Variants in LRRC8A observed in about 807,000 individuals in gnomAD.
The protein encoded by LRRC8A is leucine rich repeat containing 8 VRAC subunit A.
A neutral mutation model predicts 52.5 loss-of-function variants in LRRC8A; 24 were observed. The ratio of observed to expected loss-of-function variants is 0.46; its 90% CI spans 0.33 to 0.64. The LOEUF (loss-of-function observed/expected upper bound fraction) is 0.64. LRRC8A is among the 30% of genes least tolerant of loss of function. The pLI is 0.02. For missense variants in LRRC8A, 677 were observed against 1,094.7 expected, an observed-to-expected ratio of 0.62 and a Z score of 5.38; for synonymous variants, 492 against 494.2, an observed-to-expected ratio of 1.00 and a Z score of 0.06.
Position 128,916,341 on chromosome 9 carries a change from G to C in LRRC8A, c.2403G>C (p.Arg801=). The change falls in exon 4 of 4, where the codon CGG becomes CGC. Residue 801 remains arginine (R), a synonymous_variant. Coordinates refer to ENST00000372600, the MANE Select transcript of LRRC8A (RefSeq NM_019594.4). The surrounding 1 kb of genome is among the most constrained non-coding windows in gnomAD (Gnocchi z 6.1). ...CACTGCCACCCGAGGTGAAGGAGCG[G>C]CTGTGGAGGGCTGACAAGGAGCAGG... ...FNTLPPEVKE[R]LWRADKEQA is the part of the protein sequence containing the mutation. The C allele has an allele frequency of 3.7e-6, 6 of 1,611,744 alleles. No individual in the cohort carries two copies. Among genetic ancestry groups the C allele is most frequent in the Non-Finnish European group, 5.1e-6 (6 of 1,179,838 alleles).
intron 1 of LRRC8A, among the ~76,000 whole-genome samples, chr9:128,884,394 CTCATTCATTCAT>C (rs147475056): frequency 6.6e-6 from 1 of 152,084 alleles, no homozygotes; most frequent in Non-Finnish European, 1.5e-5. Context: ...CATGCCTTGA[CTCATTCATTCAT>C]TCATTCATTC....
chr9:128,905,258 G>A (rs946747292), intron 2 of LRRC8A, among the ~76,000 whole-genome samples: 1 of 152,224 alleles, frequency 6.6e-6, no homozygotes, highest in African/African-American at 2.4e-5. Flanking sequence ...GTGTAACCCT[G>A]GTGGGGATTG....
chr9:128,898,025 T>G (rs535349102), intron 2 of LRRC8A, among the ~76,000 whole-genome samples: 6 of 136,782 alleles, frequency 4.4e-5, no homozygotes, highest in African/African-American at 1.6e-4. Flanking sequence ...CTAACCTCAC[T>G]TCTAAGATTG....
In LRRC8A at chr9:128,909,162, C is replaced by T; in HGVS notation, c.1998C>T (p.Arg666=). 6.2e-7 allele frequency: 1 copy of T among 1,614,192 alleles called. No homozygotes were observed. The highest frequency in any genetic ancestry group is 8.5e-7 in the Non-Finnish European group (1 of 1,180,048). ...IQIGNLTNLE[R]LYLNRNKIEK... ...TCGGCAACCTCACCAACCTGGAGCG[C>T]CTCTACCTGAACCGCAACAAGATCG... The change falls in exon 3 of 4, where the codon CGC becomes CGT. Residue 666 remains arginine, a synonymous_variant. Transcript: ENST00000372600.
chr9:128,912,391 G>GAGGAGGAAGCC (rs1256841526), intron 3 of LRRC8A, among the ~76,000 whole-genome samples: 2 of 152,002 alleles, frequency 1.3e-5, no homozygotes, highest in African/African-American at 4.8e-5. Context: ...GAAGAACGAG[G>GAGGAGGAAGCC]AGGAGGAAGC....
rs1839548910 is a variant in LRRC8A at position 128,890,130 on chromosome 9, T to TGTGTGTGTG, written c.-9+4009_-9+4010insGTGTGTGTG. ...ACAGTTGTTTTTTAGTGGCTTCATT[T>TGTGTGTGTG]TGTGTGTGTGTGTGTGTGTGTGTGT... On this transcript the variant is annotated intron_variant, in intron 2 of 3. Transcript: ENST00000372600. Among the ~76,000 whole-genome samples, 343 of 128,304 alleles carry TGTGTGTGTG rather than the reference T, an allele frequency of 2.7e-3. 3 individuals are homozygous for TGTGTGTGTG. Among genetic ancestry groups the TGTGTGTGTG allele is most frequent in the Middle Eastern group, 7.8e-3 (2 of 256 alleles). The allele number at this position is 128,304 out of a possible 152,430, so 84.2% of individuals were successfully genotyped here.
chr9:128,892,528 G>A lies in LRRC8A; in HGVS notation c.-9+6407G>A, dbSNP rs1839664496. On this transcript the variant is annotated intron_variant, in intron 2 of 3. Coordinates refer to ENST00000372600, the MANE Select transcript of LRRC8A (RefSeq NM_019594.4). The surrounding 1 kb of genome is among the most constrained non-coding windows in gnomAD (Gnocchi z 5.2). ...CCTCTTCCTCTCCCCAGGAAGTGAG[G>A]GTGTACCCTTCTACACAGGGCGAGT... Among the ~76,000 whole-genome samples, 1 of 152,080 alleles carries A rather than the reference G, an allele frequency of 6.6e-6. No homozygotes were observed. The highest frequency in any genetic ancestry group is 1.5e-5 in the Non-Finnish European group (1 of 68,006).
At chr9:128,901,676 C>T (rs570262854) in intron 2 of LRRC8A, among the ~76,000 whole-genome samples, 2 of 152,304 alleles carry the variant, frequency 1.3e-5, no homozygotes, top group Admixed American at 6.5e-5. Flanking sequence ...GAAACTGAGG[C>T]TGCAAGCAGT....
chr9:128,913,771 G>C (rs1281784146), intron 3 of LRRC8A, among the ~76,000 whole-genome samples: 1 of 152,166 alleles, frequency 6.6e-6, no homozygotes, highest in Non-Finnish European at 1.5e-5. Context: ...TGGCCCCTGG[G>C]TGCTCCAGAG....
At chr9:128,913,419 T>C (rs975933787) in intron 3 of LRRC8A, among the ~76,000 whole-genome samples, 4 of 151,764 alleles carry the variant, frequency 2.6e-5, no homozygotes, top group African/African-American at 9.7e-5. Flanking sequence ...GAGGGTGCAA[T>C]TGGGGGATTG....
intron 3 of LRRC8A, among the ~76,000 whole-genome samples, chr9:128,909,675 AC>A (rs1168121616): frequency 1.3e-5 from 2 of 152,164 alleles, no homozygotes; most frequent in African/African-American, 2.4e-5. Flanking sequence ...GGAGGTCCAA[AC>A]CCGGGGGTTC....
chr9:128,903,168 A>G (rs932210921), intron 2 of LRRC8A, among the ~76,000 whole-genome samples: 4 of 152,126 alleles, frequency 2.6e-5, no homozygotes, highest in African/African-American at 7.2e-5. Flanking sequence ...GGATGGGGCT[A>G]TAGAGGCCTG....
chr9:128,907,216 C>T lies in LRRC8A; in HGVS notation c.52C>T (p.Arg18Trp), dbSNP rs764430309. The change falls in exon 3 of 4, where the codon CGG becomes TGG. Residue 18 changes from arginine (R) to tryptophan (W), a missense_variant. Physicochemically the swap from Arg to Trp is moderately radical, Grantham distance 101. Coordinates refer to ENST00000372600, the MANE Select transcript of LRRC8A (RefSeq NM_019594.4). This position sits in a 1 kb window ranked among gnomAD's most constrained non-coding sequence, Gnocchi z 9.3. ...RYFADTQPAY[R>W]ILKPWWDVFT... ...CTTTGCGGACACGCAGCCAGCATAC[C>T]GGATCCTGAAGCCGTGGTGGGATGT... 4 of 1,613,626 alleles carry T rather than the reference C, an allele frequency of 2.5e-6. No homozygotes were observed. The highest frequency in any genetic ancestry group is 3.4e-6 in the Non-Finnish European group (4 of 1,179,638).
intron 2 of LRRC8A, among the ~76,000 whole-genome samples, chr9:128,888,848 G>C (rs1839497025): frequency 6.6e-6 from 1 of 151,904 alleles, no homozygotes; most frequent in Admixed American, 6.6e-5. Context: ...CACTGCTTGG[G>C]AGAGAGCTGC....
In LRRC8A at chr9:128,908,407, A is replaced by G; in HGVS notation, c.1243A>G (p.Lys415Glu). ...CCTCAACAACGAGTGGACGCTGGAC[A>G]AGCTCCGGCAGCGGCTCACCAAGAA... is the stretch of plus-strand genomic sequence containing the variant. Reference protein sequence around the residue: ...LNLNNEWTLDKLRQRLTKNAQ... With the variant: ...LNLNNEWTLDELRQRLTKNAQ... The change falls in exon 3 of 4, where the codon AAG becomes GAG. Residue 415 changes from lysine to glutamate, a missense_variant. Physicochemically the swap from Lys to Glu is moderately conservative, Grantham distance 56 (BLOSUM62 1). Coordinates refer to ENST00000372600, the MANE Select transcript of LRRC8A (RefSeq NM_019594.4). 6.2e-7 allele frequency: 1 copy of G among 1,613,650 alleles called. No individual in the cohort carries two copies. Among genetic ancestry groups the G allele is most frequent in the Non-Finnish European group, 8.5e-7 (1 of 1,180,026 alleles).
In LRRC8A at chr9:128,892,796, C is replaced by G. The variant is rs1424266785; in HGVS notation, c.-9+6675C>G. ...GCCTGTTGAGAGCGGCCCCTTCGCG[C>G]TCCCTGGGAGAGCACTGGAGGGCCA... On this transcript the variant is annotated intron_variant, in intron 2 of 3. Transcript: ENST00000372600. The surrounding 1 kb of genome is among the most constrained non-coding windows in gnomAD (Gnocchi z 5.2). Among the ~76,000 whole-genome samples the G allele has an allele frequency of 6.6e-6, 1 of 152,190 alleles. No homozygotes were observed. The highest frequency in any genetic ancestry group is 1.5e-5 in the Non-Finnish European group (1 of 68,040).
rs117770535 is a variant in LRRC8A at position 128,911,668 on chromosome 9, A to G, written c.2157+2347A>G. Among the ~76,000 whole-genome samples the G allele has an allele frequency of 3.6e-3, 552 of 152,162 alleles. 8 individuals are homozygous for G. In the East Asian group the frequency reaches 0.042, roughly 11 times the overall value. On this transcript the variant is annotated intron_variant, in intron 3 of 3. Transcript: ENST00000372600. This position sits in a 1 kb window ranked among gnomAD's most constrained non-coding sequence, Gnocchi z 4.9. ...CCCCCACCCCCAGCTCCTCCCGCCA[A>G]GCTTGCCTGTTAGTGTCATGCCTGC...
At chr9:128,883,316 C>G (rs1463661490) in intron 1 of LRRC8A, among the ~76,000 whole-genome samples, 1 of 152,258 alleles carries the variant, frequency 6.6e-6, no homozygotes, top group African/African-American at 2.4e-5. Flanking sequence ...TACTCTTAAC[C>G]CCTGCCAAAC....
intron 3 of LRRC8A, among the ~76,000 whole-genome samples, chr9:128,914,824 C>T (rs1321497842): frequency 6.6e-6 from 1 of 152,220 alleles, no homozygotes; most frequent in Non-Finnish European, 1.5e-5. Flanking sequence ...GCTGATTCCT[C>T]GCAGCAGGGC....
Sources: gnomAD v4.1 joint callset for allele counts (sites outside exome capture counted in the v4.1 genomes callset) on GRCh38, gnomAD v4.1.1 for gene constraint, Gnocchi (gnomAD v3.1) non-coding constraint, MANE v1.5 for transcripts, NCBI Gene and HGNC (gene_info 2026-07-23, HGNC 2026-07-21) for gene names.